Variants in MAP2K3 observed in about 807,000 individuals in gnomAD.
MAP2K3 encodes mitogen-activated protein kinase kinase 3.
A neutral mutation model predicts 46.4 loss-of-function variants in MAP2K3; 30 were observed. That is an observed-to-expected ratio of 0.65 (90% CI 0.48 to 0.88). The LOEUF is 0.88. Among genes scored for constraint, MAP2K3 ranks in the 40% least tolerant of loss-of-function variants. The pLI, the probability that MAP2K3 is intolerant of heterozygous loss-of-function variation, is 0.00. For missense variants in MAP2K3, 380 were observed against 464.5 expected (o/e 0.82, Z 1.67); for synonymous variants, 189 against 176.3 (o/e 1.07, Z -0.57).
At chr17:21,299,906 C>T (rs534388933) in intron 3 of MAP2K3, among the ~76,000 whole-genome samples, 413 of 152,026 alleles carry the variant, frequency 2.7e-3, no homozygotes, top group African/African-American at 9.5e-3. Context: ...CGCTTGAACC[C>T]AGGAGGTGGA....
chr17:21,287,394 C>G (rs1480858394), intron 1 of MAP2K3, among the ~76,000 whole-genome samples: 2 of 152,234 alleles, frequency 1.3e-5, no homozygotes, highest in Admixed American at 6.5e-5. Flanking sequence ...CTGTGCCCAC[C>G]CCATCCTGGG....
intron 7 of MAP2K3, among the ~76,000 whole-genome samples, chr17:21,303,595 C>A (rs1212147063): frequency 2.0e-5 from 3 of 152,312 alleles, no homozygotes; most frequent in African/African-American, 7.2e-5. Flanking sequence ...CCAGAATGTT[C>A]TCTTGGGCTC....
intron 9 of MAP2K3, among the ~76,000 whole-genome samples, chr17:21,308,395 G>A (rs1292799656): frequency 1.3e-5 from 2 of 152,308 alleles, no homozygotes; most frequent in East Asian, 3.8e-4. Flanking sequence ...TGATCCACCT[G>A]CCTCAGCCTC....
rs976370710 is a variant in MAP2K3, at chr17:21,296,112, A to G, written c.50-2301A>G. The G allele has an allele frequency of 7.0e-6, 9 of 1,289,412 alleles. No individual in the cohort carries two copies. In the African/African-American group the frequency reaches 1.4e-4, roughly 20 times the overall value. The allele number at this position is 1,289,412 out of a possible 1,614,324, so 79.9% of individuals were successfully genotyped here. Reference sequence around the variant, plus strand: ...GAGGCTGGTCATATCCATGGTGACCATTTATGGGCCACAACAGGTCCCCAT... The same window carrying G: ...GAGGCTGGTCATATCCATGGTGACCGTTTATGGGCCACAACAGGTCCCCAT... On this transcript the variant is annotated intron_variant, in intron 1 of 11. Coordinates refer to ENST00000342679, the MANE Select transcript of MAP2K3 (RefSeq NM_145109.3).
intron 2 of MAP2K3, 85 bp downstream of exon 2, chr17:21,298,564 G>T: frequency 6.2e-7 from 1 of 1,608,092 alleles, no homozygotes; most frequent in Non-Finnish European, 8.5e-7. Context: ...GGCAGGTGGG[G>T]CCAGCCCTGC....
intron 6 of MAP2K3, 73 bp from the exon 7 acceptor site, chr17:21,303,110 C>A: frequency 1.3e-6 from 2 of 1,596,466 alleles, no homozygotes; most frequent in Non-Finnish European, 1.7e-6. Context: ...TGGGGTCTTA[C>A]TGCTCTGTCG....
At chr17:21,302,050 GC>G in intron 5 of MAP2K3, 92 bp from the exon 6 acceptor site, 3 of 8,780 alleles carry the variant, frequency 3.4e-4, no homozygotes, top group African/African-American at 4.9e-3. Flanking sequence ...CGGAGAGGGG[GC>G]TGGGGCTGGG....
intron 7 of MAP2K3, among the ~76,000 whole-genome samples, chr17:21,303,935 C>T (rs748969715): frequency 1.7e-4 from 26 of 152,400 alleles, no homozygotes; most frequent in South Asian, 1.0e-3. Context: ...ATGGAGGGCA[C>T]GGGGATGTGA....
chr17:21,302,299 A>G (rs1334913980), intron 6 of MAP2K3, 40 bp downstream of exon 6: 1 of 1,526,748 alleles, frequency 6.5e-7, no homozygotes, highest in Non-Finnish European at 9.1e-7. Context: ...TCCTAGGTGC[A>G]TAGGCAGAGG....
In MAP2K3 at chr17:21,312,125, C is replaced by A; in HGVS notation, c.775-17C>A. 1 of 1,515,876 alleles carries A rather than the reference C, an allele frequency of 6.6e-7. No homozygotes were observed. Among genetic ancestry groups the A allele is most frequent in the Non-Finnish European group, 8.8e-7 (1 of 1,134,958 alleles). The allele number at this position is 1,515,876 out of a possible 1,614,324, so 93.9% of individuals were successfully genotyped here. On this transcript the variant is annotated splice_polypyrimidine_tract_variant and intron_variant, in intron 9 of 11. Coordinates refer to ENST00000342679, the MANE Select transcript of MAP2K3 (RefSeq NM_145109.3). ...GTATCTGGGGCCGGGGCCTCTGACC[C>A]CCTGTCCCCGCTGCAGATTGAGATG...
chr17:21,311,555 C>A (rs1898406), intron 9 of MAP2K3: 1 of 152,190 alleles, frequency 6.6e-6, no homozygotes, highest in Non-Finnish European at 1.5e-5. Flanking sequence ...CTCACGGGTG[C>A]AGAGGCGAAG....
chr17:21,300,078 T>A (rs1225750738), intron 3 of MAP2K3, among the ~76,000 whole-genome samples: 1 of 152,310 alleles, frequency 6.6e-6, no homozygotes. Context: ...CCTGTTCATC[T>A]ACTTGCTTAC....
chr17:21,295,377 T>A (rs915210892), intron 1 of MAP2K3, among the ~76,000 whole-genome samples: 7 of 152,304 alleles, frequency 4.6e-5, no homozygotes, highest in Non-Finnish European at 7.3e-5. Context: ...GCTATGAGGC[T>A]GGAGTATGTG....
intron 7 of MAP2K3, among the ~76,000 whole-genome samples, chr17:21,303,695 C>T (rs777197031): frequency 2.6e-5 from 4 of 152,426 alleles, no homozygotes; most frequent in Non-Finnish European, 5.9e-5. Flanking sequence ...ACATCAGCCT[C>T]GCTTGATGTT....
intron 1 of MAP2K3, chr17:21,291,326 T>C (rs929782556): frequency 3.7e-5 from 8 of 218,838 alleles, no homozygotes. Context: ...TAGAATACAA[T>C]AGAATACAGT....
rs1975695790 is a variant in MAP2K3, at chr17:21,285,389, G to C, written c.49+420G>C. 6.7e-6 allele frequency: 4 copies of C among 599,140 alleles called. No individual in the cohort carries two copies. The South Asian group carries it at 2.9e-4, about 44-fold the overall frequency. The allele number at this position is 599,140 out of a possible 1,614,324, so 37.1% of individuals were successfully genotyped here. A position where few individuals can be genotyped will look rare whatever the true frequency, so the allele number is the denominator to read the frequency against. Reference sequence around the variant, plus strand: ...AGCACCCAGTCCCATTTCTAGCTTCGGGTCCCAGGGCTGTATCCAGGTTGG... The same window carrying C: ...AGCACCCAGTCCCATTTCTAGCTTCCGGTCCCAGGGCTGTATCCAGGTTGG... On this transcript the variant is annotated intron_variant, in intron 1 of 11. Coordinates refer to ENST00000342679, the MANE Select transcript of MAP2K3 (RefSeq NM_145109.3).
At chr17:21,313,388 C>A in intron 10 of MAP2K3, 104 bp from the exon 11 acceptor site, 2 of 874,928 alleles carry the variant, frequency 2.3e-6, no homozygotes, top group Non-Finnish European at 3.7e-6. Flanking sequence ...GTGCACGTGT[C>A]CCCTGCTGCT....
At chr17:21,307,025 A>G (rs75665887) in intron 9 of MAP2K3, among the ~76,000 whole-genome samples, 5 of 152,428 alleles carry the variant, frequency 3.3e-5, no homozygotes, top group South Asian at 4.1e-4. Flanking sequence ...GGCTCAAGCA[A>G]TCTGCCTACC....
At chr17:21,298,150 A>T (rs1160588591) in intron 1 of MAP2K3, among the ~76,000 whole-genome samples, 2 of 152,312 alleles carry the variant, frequency 1.3e-5, no homozygotes, top group Non-Finnish European at 2.9e-5. Context: ...GGTACTCAAG[A>T]TGTGCCCAGT....
Sources: allele counts gnomAD v4.1 joint callset (sites outside exome capture counted in the v4.1 genomes callset), GRCh38; gene constraint gnomAD v4.1.1; transcripts MANE v1.5; gene names NCBI Gene and HGNC (gene_info 2026-07-23, HGNC 2026-07-21).